Variants in KLHL4 observed in about 807,000 individuals in gnomAD.
KLHL4 encodes kelch-like protein 4.
In KLHL4, 17 loss-of-function variants were observed where a neutral mutation model predicts 45.8. The ratio of observed to expected loss-of-function variants is 0.37; its 90% confidence interval spans 0.25 to 0.56. KLHL4 has a LOEUF of 0.56. KLHL4 is among the 20% of genes least tolerant of loss of function. The probability of loss-of-function intolerance (pLI) is 0.79; values close to 1 mark genes in which losing one functional copy is unlikely to be tolerated. For missense variants in KLHL4, 544 were observed against 544.9 expected, an observed-to-expected ratio of 1.00 and a Z score of 0.02; for synonymous variants, 224 against 189.9, an observed-to-expected ratio of 1.18 and a Z score of -1.47.
At chrX:87,547,800 G>T (rs1242654289) in intron 1 of KLHL4, among the ~76,000 whole-genome samples, 1 of 110,874 alleles carries the variant, frequency 9.0e-6, no homozygotes. Flanking sequence ...CAGCCTGGGT[G>T]ACAGAGCAAG....
chrX:87,618,976 A>G (rs1922657054), intron 4 of KLHL4, among the ~76,000 whole-genome samples: 1 of 112,036 alleles, frequency 8.9e-6, no homozygotes, highest in South Asian at 3.7e-4. Context: ...TGCATATGAT[A>G]AGATAGAGCA....
rs186105965 is a variant in KLHL4, at chrX:87,641,487, G to A, written c.1925+5712G>A. ...GCAGGGAGTAAAACTCCACAGGGAG[G>A]AGGAAATCTTTAGCTGAACTTTGTA... On this transcript the variant is annotated intron_variant, in intron 9 of 10. Coordinates refer to ENST00000373119, the MANE Select transcript of KLHL4 (RefSeq NM_019117.5). 2.7e-5 allele frequency among the ~76,000 whole-genome samples: 3 copies of A among 111,986 alleles called. No homozygotes were observed. In the East Asian group the frequency reaches 8.5e-4, roughly 32 times the overall value.
chrX:87,558,035 T>C (rs5969253), intron 1 of KLHL4, among the ~76,000 whole-genome samples: 27,544 of 110,683 alleles, frequency 0.25, 2,908 homozygotes, highest in East Asian at 0.5. Flanking sequence ...TCTAAGAAAT[T>C]GCTTAAAGAT....
chrX:87,622,481 A>G, intron 5 of KLHL4, 58 bp downstream of exon 5: 1 of 746,720 alleles, frequency 1.3e-6, no homozygotes, highest in Non-Finnish European at 1.9e-6. Flanking sequence ...CTAGGCACTA[A>G]TCCATTTCTT....
chrX:87,572,497 A>G (rs916448479), intron 1 of KLHL4, among the ~76,000 whole-genome samples: 1 of 111,132 alleles, frequency 9.0e-6, no homozygotes, highest in Non-Finnish European at 1.9e-5. Context: ...ATGTTTTTAT[A>G]TAAAAAGCTC....
At chrX:87,660,161 G>T (rs1924140367) in intron 9 of KLHL4, among the ~76,000 whole-genome samples, 1 of 111,446 alleles carries the variant, frequency 9.0e-6, no homozygotes, top group African/African-American at 3.3e-5. Flanking sequence ...ATAATTTATT[G>T]ATGCCTTCTG....
chrX:87,548,422 C>T (rs962610183), intron 1 of KLHL4, among the ~76,000 whole-genome samples: 5 of 110,605 alleles, frequency 4.5e-5, no homozygotes, highest in African/African-American at 1.6e-4. Context: ...TAAATAATCA[C>T]CTAAAGGTAC....
At chrX:87,654,489 A>G (rs1423615419) in intron 9 of KLHL4, among the ~76,000 whole-genome samples, 2 of 106,771 alleles carry the variant, frequency 1.9e-5, no homozygotes, top group Non-Finnish European at 3.9e-5. Context: ...GTGTATGTAT[A>G]TGTGTGTGTG....
At chrX:87,573,432 A>G (rs1921000396) in intron 1 of KLHL4, among the ~76,000 whole-genome samples, 1 of 78,445 alleles carries the variant, frequency 1.3e-5, no homozygotes, top group African/African-American at 4.6e-5. Flanking sequence ...TAGATATACA[A>G]ATAAACAAAT....
chrX:87,656,953 ACT>A (rs756557548), intron 9 of KLHL4, among the ~76,000 whole-genome samples: 26 of 111,034 alleles, frequency 2.3e-4, no homozygotes, highest in Non-Finnish European at 4.5e-4. Context: ...AGTGGCAAAG[ACT>A]CTGTATGAAT....
At chrX:87,624,733 A>C (rs1922868320) in intron 5 of KLHL4, among the ~76,000 whole-genome samples, 1 of 112,083 alleles carries the variant, frequency 8.9e-6, no homozygotes, top group South Asian at 3.7e-4. Flanking sequence ...ATCTCATGAA[A>C]AATACTTTGC....
In KLHL4 at chrX:87,641,145, C is replaced by T. The variant is rs141402585; in HGVS notation, c.1925+5370C>T. Among the ~76,000 whole-genome samples the T allele has an allele frequency of 4.1e-3, 454 of 111,658 alleles. 1 individual carries two copies. Among genetic ancestry groups the T allele is most frequent in the Non-Finnish European group, 5.9e-3 (314 of 53,113 alleles). On this transcript the variant is annotated intron_variant, in intron 9 of 10. Coordinates refer to ENST00000373119, the MANE Select transcript of KLHL4 (RefSeq NM_019117.5). ...TGGACTGCAAGAACAAACCAGCAAT[C>T]CTGAGAGGACCCACAGACCATCTGA...
At chrX:87,529,937 C>T (rs1279704065) in intron 1 of KLHL4, among the ~76,000 whole-genome samples, 1 of 111,594 alleles carries the variant, frequency 9.0e-6, no homozygotes, top group Non-Finnish European at 1.9e-5. Context: ...AACTAGGATA[C>T]TACATTAGAA....
intron 1 of KLHL4, among the ~76,000 whole-genome samples, chrX:87,579,357 T>G (rs1921200657): frequency 9.0e-6 from 1 of 110,815 alleles, no homozygotes; most frequent in African/African-American, 3.3e-5. Flanking sequence ...CTACAGAAAT[T>G]ATATAACACC....
At chrX:87,590,319 A>T (rs1921621743) in intron 1 of KLHL4, among the ~76,000 whole-genome samples, 1 of 110,424 alleles carries the variant, frequency 9.1e-6, no homozygotes, top group African/African-American at 3.3e-5. Context: ...CCAGAAAACG[A>T]TATAATCCTG....
intron 1 of KLHL4, among the ~76,000 whole-genome samples, chrX:87,572,895 G>A (rs999595747): frequency 3.7e-5 from 4 of 109,349 alleles, no homozygotes; most frequent in Non-Finnish European, 7.6e-5. Context: ...AGATAAAGAA[G>A]AATTGGTTTG....
chrX:87,567,870 A>G (rs1932247333), intron 1 of KLHL4, among the ~76,000 whole-genome samples: 1 of 110,740 alleles, frequency 9.0e-6, no homozygotes, highest in Admixed American at 9.7e-5. Flanking sequence ...CTCACTGTCT[A>G]GGTGATGGGA....
At chrX:87,605,323 T>C (rs181034302) in intron 1 of KLHL4, among the ~76,000 whole-genome samples, 63 of 111,348 alleles carry the variant, frequency 5.7e-4, no homozygotes, top group Non-Finnish European at 9.1e-4. Flanking sequence ...TTTTCATTGG[T>C]ATTGCATTAA....
intron 1 of KLHL4, among the ~76,000 whole-genome samples, chrX:87,567,152 T>A (rs957041535): frequency 6.3e-5 from 7 of 111,474 alleles, no homozygotes; most frequent in African/African-American, 2.3e-4. Context: ...TTCCTATGCC[T>A]GGCAAAGGAT....
Sources: gnomAD v4.1 joint callset for allele counts (sites outside exome capture counted in the v4.1 genomes callset) on GRCh38, gnomAD v4.1.1 for gene constraint, MANE v1.5 for transcripts, NCBI Gene and HGNC (gene_info 2026-07-23, HGNC 2026-07-21) for gene names.